HMGXB3: variants seen among roughly 807,000 people sequenced by gnomAD.
The protein encoded by HMGXB3 is HMG-box containing 3.
A neutral mutation model predicts 121.5 loss-of-function variants in HMGXB3; 45 were observed. The ratio of observed to expected loss-of-function variants is 0.37; its 90% CI spans 0.29 to 0.47. The LOEUF (loss-of-function observed/expected upper bound fraction) is 0.47. HMGXB3 is among the 20% of genes least tolerant of loss of function. HMGXB3 has a pLI of 0.99. For synonymous variants in HMGXB3, 590 were observed against 624.1 expected (o/e 0.95, Z 0.81); for missense variants, 1,376 against 1,602.2 (o/e 0.86, Z 2.41).
At chr5:150,015,411 G>C (rs1396720439) in intron 5 of HMGXB3, among the ~76,000 whole-genome samples, 1 of 152,048 alleles carries the variant, frequency 6.6e-6, no homozygotes, top group Non-Finnish European at 1.5e-5. Context: ...CAGTCTCTCA[G>C]GTAGCTGGGA....
intron 11 of HMGXB3, 117 bp downstream of exon 11, chr5:150,032,720 T>C (rs1003665759): frequency 8.2e-7 from 1 of 1,214,186 alleles, no homozygotes; most frequent in African/African-American, 1.5e-5. Context: ...GCATCCAAAC[T>C]GAACCAGTTG....
intron 9 of HMGXB3, 48 bp from the exon 10 acceptor site, chr5:150,030,693 A>AGTTT: frequency 7.3e-6 from 10 of 1,366,756 alleles, no homozygotes; most frequent in Non-Finnish European, 1.0e-5. Context: ...GGAGCTCAGG[A>AGTTT]GTTTGGCTAA....
intron 19 of HMGXB3, among the ~76,000 whole-genome samples, chr5:150,051,366 T>C (rs1756887867): frequency 6.6e-6 from 1 of 152,234 alleles, no homozygotes; most frequent in Non-Finnish European, 1.5e-5. Flanking sequence ...GGAGTCATTA[T>C]TGTCATTACT....
intron 9 of HMGXB3, among the ~76,000 whole-genome samples, chr5:150,028,190 G>C (rs1756277963): frequency 6.6e-6 from 1 of 152,038 alleles, no homozygotes; most frequent in Admixed American, 6.6e-5. Context: ...GGGACTTATA[G>C]GTTATAGGTA....
chr5:150,034,884 A>G (rs1364811280), intron 11 of HMGXB3, among the ~76,000 whole-genome samples: 1 of 152,104 alleles, frequency 6.6e-6, no homozygotes, highest in Non-Finnish European at 1.5e-5. Context: ...TTTCATAGTC[A>G]TGACTGAGAA....
intron 18 of HMGXB3, among the ~76,000 whole-genome samples, chr5:150,049,344 G>A (rs1417999765): frequency 2.0e-5 from 3 of 152,176 alleles, no homozygotes; most frequent in Non-Finnish European, 4.4e-5. Flanking sequence ...AGGTGGCACT[G>A]GGTTAGCTCC....
At position 150,052,298 on chromosome 5, in the gene HMGXB3, G is replaced by T; in HGVS notation, c.*106G>T. ...TGCAGAAGTGGTCTCCTGTGGGGAGGGCCTCTGACTGCTGGGACTGACCAA... is the reference window on the plus strand; with the variant it reads ...TGCAGAAGTGGTCTCCTGTGGGGAGTGCCTCTGACTGCTGGGACTGACCAA... On this transcript the variant is annotated 3_prime_UTR_variant, in exon 20 of 20. Transcript: ENST00000502717. 1.1e-6 allele frequency: 1 copy of T among 885,088 alleles called. No homozygotes were observed. The highest frequency in any genetic ancestry group is 1.7e-6 in the Non-Finnish European group (1 of 587,174). The allele number at this position is 885,088 out of a possible 1,614,324, so 54.8% of individuals were successfully genotyped here. A position where few individuals can be genotyped will look rare whatever the true frequency, so the allele number is the denominator to read the frequency against.
intron 5 of HMGXB3, among the ~76,000 whole-genome samples, chr5:150,016,197 G>A (rs76265449): frequency 0.044 from 6,743 of 152,170 alleles, 304 homozygotes; most frequent in Non-Finnish European, 0.061. Flanking sequence ...GCAAAAAATA[G>A]TTGGGTGTGG....
intron 1 of HMGXB3, among the ~76,000 whole-genome samples, chr5:150,004,380 A>T (rs1755648764): frequency 6.6e-6 from 1 of 152,238 alleles, no homozygotes; most frequent in Non-Finnish European, 1.5e-5. Context: ...GTTTGAGTGA[A>T]TCAATGAAGG....
At chr5:150,042,340 A>G (rs1478268748) in intron 15 of HMGXB3, among the ~76,000 whole-genome samples, 1 of 152,218 alleles carries the variant, frequency 6.6e-6, no homozygotes, top group Non-Finnish European at 1.5e-5. Context: ...ATATCTGTCC[A>G]GGAGTAGTGA....
intron 18 of HMGXB3, 128 bp downstream of exon 18, chr5:150,048,813 A>G (rs901713544): frequency 4.2e-6 from 3 of 713,664 alleles, no homozygotes; most frequent in African/African-American, 1.8e-5. Flanking sequence ...ATAGCTGCCC[A>G]CGGGTCAGGT....
At chr5:150,024,793 G>A in intron 7 of HMGXB3, 113 bp downstream of exon 7, 1 of 916,102 alleles carries the variant, frequency 1.1e-6, no homozygotes, top group Non-Finnish European at 1.6e-6. Flanking sequence ...AATGGTTCCT[G>A]TTTTAGAGAT....
chr5:150,037,556 G>A, intron 13 of HMGXB3, 29 bp downstream of exon 13: 3 of 1,482,590 alleles, frequency 2.0e-6, no homozygotes, highest in South Asian at 1.3e-5. Flanking sequence ...TTCCCTCAGA[G>A]CATCCCAAAG....
At chr5:150,028,638 C>A (rs1247110484) in intron 9 of HMGXB3, among the ~76,000 whole-genome samples, 1 of 146,064 alleles carries the variant, frequency 6.8e-6, no homozygotes, top group Admixed American at 7.0e-5. Flanking sequence ...GCAATCATAG[C>A]TCACTGCAGC....
chr5:150,006,227 CTTA>C (rs748803009), intron 2 of HMGXB3, among the ~76,000 whole-genome samples: 23 of 152,140 alleles, frequency 1.5e-4, no homozygotes, highest in African/African-American at 4.1e-4. Flanking sequence ...AAGATTATAA[CTTA>C]TTATAACACC....
At chr5:150,027,253 T>C (rs1365669143) in intron 9 of HMGXB3, 136 bp downstream of exon 9, 16 of 580,384 alleles carry the variant, frequency 2.8e-5, no homozygotes, top group Non-Finnish European at 5.8e-6. Context: ...CATGAATGAT[T>C]TATCTGTTTT....
chr5:150,042,762 C>T (rs1756667945), intron 15 of HMGXB3, among the ~76,000 whole-genome samples: 1 of 152,120 alleles, frequency 6.6e-6, no homozygotes. Context: ...AACTTAGGTT[C>T]TGAACTGAAA....
chr5:150,017,726 G>A (rs1449739823), intron 5 of HMGXB3, among the ~76,000 whole-genome samples: 1 of 152,216 alleles, frequency 6.6e-6, no homozygotes, highest in African/African-American at 2.4e-5. Context: ...TAGGGAAGCT[G>A]GGATTAATAG....
intron 15 of HMGXB3, among the ~76,000 whole-genome samples, chr5:150,042,502 G>C (rs2113758757): frequency 6.6e-6 from 1 of 151,658 alleles, no homozygotes; most frequent in East Asian, 2.0e-4. Context: ...CTTTGTGGAG[G>C]AATATTCCAG....
Sources: allele counts gnomAD v4.1 joint callset (sites outside exome capture counted in the v4.1 genomes callset), GRCh38; gene constraint gnomAD v4.1.1; transcripts MANE v1.5; gene names NCBI Gene and HGNC (gene_info 2026-07-23, HGNC 2026-07-21).